ZC4H2: variants seen among roughly 807,000 people sequenced by gnomAD.
ZC4H2 encodes zinc finger C4H2-type containing, also known as zinc finger C4H2 domain-containing protein.
For missense variants in ZC4H2, 137 were observed against 173.9 expected (o/e 0.79, Z 1.19); for synonymous variants, 84 against 66.3 (o/e 1.27, Z -1.30).
intron 1 of ZC4H2, among the ~76,000 whole-genome samples, chrX:64,997,535 A>G (rs996338760): frequency 8.9e-6 from 1 of 112,715 alleles, no homozygotes; most frequent in Admixed American, 9.3e-5. Context: ...AGAATTATAA[A>G]TCTCTTATTG....
At chrX:64,995,147 A>G (rs776551842) in intron 1 of ZC4H2, among the ~76,000 whole-genome samples, 1 of 109,428 alleles carries the variant, frequency 9.1e-6, no homozygotes, top group South Asian at 4.1e-4. Flanking sequence ...AGGTAATATC[A>G]GGAAAATGGC....
At chrX:65,005,793 T>G (rs1157936276) in intron 1 of ZC4H2, among the ~76,000 whole-genome samples, 1 of 110,764 alleles carries the variant, frequency 9.0e-6, no homozygotes, top group Non-Finnish European at 1.9e-5. Flanking sequence ...TGGGAGAGTA[T>G]TTTTGCAATC....
At chrX:65,001,216 C>T (rs1932528832) in intron 1 of ZC4H2, among the ~76,000 whole-genome samples, 1 of 111,685 alleles carries the variant, frequency 9.0e-6, no homozygotes, top group African/African-American at 3.3e-5. Flanking sequence ...AAGGGAAGCC[C>T]ATCAGACTAA....
intron 1 of ZC4H2, among the ~76,000 whole-genome samples, chrX:65,014,840 A>C (rs774524726): frequency 8.9e-6 from 1 of 112,246 alleles, no homozygotes; most frequent in African/African-American, 3.2e-5. Context: ...AATTGCACAA[A>C]ATGATACAGA....
At position 64,940,202 on chromosome X, in the gene ZC4H2, GTCT is replaced by G. The variant is rs777542032; in HGVS notation, c.54-18217_54-18215del. 1.1e-3 allele frequency among the ~76,000 whole-genome samples: 127 copies of G among 111,890 alleles called. 2 individuals are homozygous for G. The highest frequency in any genetic ancestry group is 3.9e-3 in the African/African-American group (121 of 30,812). On this transcript the variant is annotated intron_variant, in intron 1 of 4. Coordinates refer to ENST00000374839, the MANE Select transcript of ZC4H2 (RefSeq NM_018684.4). ...TCATATGTTTGTTGGCCACATAAATGTCTTCTTCTGAGAATTGTCTGTTCATAA... is the reference window on the plus strand; with the variant it reads ...TCATATGTTTGTTGGCCACATAAATGTCTTCTGAGAATTGTCTGTTCATAA...
At chrX:64,977,002 T>C (rs1464460118), upstream of ZC4H2, among the ~76,000 whole-genome samples, 3 of 110,607 alleles carry the variant, frequency 2.7e-5, no homozygotes, top group Non-Finnish European at 3.8e-5. Context: ...AGTGGGTAAG[T>C]ACTTCCAGCT....
intron 3 of ZC4H2, 72 bp from the exon 4 acceptor site, chrX:64,919,276 T>C: frequency 1.8e-6 from 2 of 1,134,777 alleles, no homozygotes; most frequent in Non-Finnish European, 2.4e-6. Context: ...AAAGACTCCA[T>C]GCCATACAAC....
rs868456074 is a variant in ZC4H2 at position 64,985,136 on chromosome X, T to G, written c.-272+49493A>C. 1.9e-4 allele frequency among the ~76,000 whole-genome samples: 21 copies of G among 112,496 alleles called. 1 individual carries two copies. The Middle Eastern group carries it at 0.014, about 74-fold the overall frequency. ...GGTTGGTTCCATGACTTTGCTGTTG[T>G]AAATAGTGCTGCAATAAACATATGA... On this transcript the variant is annotated intron_variant, in intron 1 of 4. Coordinates refer to the ZC4H2 transcript ENST00000337990.
chrX:64,994,908 C>T (rs1420819131), intron 1 of ZC4H2, among the ~76,000 whole-genome samples: 1 of 110,511 alleles, frequency 9.0e-6, no homozygotes, highest in Non-Finnish European at 1.9e-5. Flanking sequence ...TAAAGAGGGA[C>T]AAATGGGAAA....
At chrX:64,968,160 G>C (rs1046215034) in intron 1 of ZC4H2, among the ~76,000 whole-genome samples, 1 of 111,878 alleles carries the variant, frequency 8.9e-6, no homozygotes, top group South Asian at 3.7e-4. Context: ...CTATGTTCCA[G>C]CAACTGTATT....
intron 1 of ZC4H2, among the ~76,000 whole-genome samples, chrX:65,020,439 C>T (rs904976756): frequency 9.0e-6 from 1 of 111,557 alleles, no homozygotes; most frequent in African/African-American, 3.3e-5. Context: ...TCAAACTAAG[C>T]TTCATAAGTG....
intron 1 of ZC4H2, among the ~76,000 whole-genome samples, chrX:64,972,064 T>A (rs758583371): frequency 8.9e-5 from 10 of 111,766 alleles, no homozygotes; most frequent in African/African-American, 3.3e-4. Flanking sequence ...CTTTTCTATC[T>A]CCCTTCTTTT....
intron 1 of ZC4H2, among the ~76,000 whole-genome samples, chrX:65,031,473 TTC>T (rs1295645611): frequency 1.8e-5 from 2 of 110,837 alleles, no homozygotes; most frequent in South Asian, 7.8e-4. Context: ...CAGCACAGAG[TTC>T]TGTTTTTGAA....
intron 1 of ZC4H2, among the ~76,000 whole-genome samples, chrX:64,992,962 A>G (rs1932338203): frequency 9.0e-6 from 1 of 110,968 alleles, no homozygotes; most frequent in Non-Finnish European, 1.9e-5. Context: ...CTAGAAAGCT[A>G]AACTTAGTGA....
At chrX:64,987,403 A>G (rs916180391) in intron 1 of ZC4H2, among the ~76,000 whole-genome samples, 1 of 110,187 alleles carries the variant, frequency 9.1e-6, no homozygotes, top group Non-Finnish European at 1.9e-5. Flanking sequence ...ACATGGATCA[A>G]TGGAATAGAA....
At chrX:64,946,272 C>T (rs1289549780) in intron 1 of ZC4H2, among the ~76,000 whole-genome samples, 4 of 111,764 alleles carry the variant, frequency 3.6e-5, no homozygotes, top group Non-Finnish European at 7.5e-5. Context: ...TCCTAGTCTG[C>T]AGGTTGCAAA....
At chrX:64,944,893 T>C (rs1299233028) in intron 1 of ZC4H2, among the ~76,000 whole-genome samples, 2 of 112,749 alleles carry the variant, frequency 1.8e-5, no homozygotes, top group Admixed American at 1.9e-4. Flanking sequence ...TGCGCATGCT[T>C]CATGAAGTTC....
At chrX:64,930,604 C>T (rs946588198) in intron 1 of ZC4H2, among the ~76,000 whole-genome samples, 2 of 112,019 alleles carry the variant, frequency 1.8e-5, no homozygotes, top group South Asian at 7.4e-4. Context: ...GATGCTTTTT[C>T]TGCATCTATT....
chrX:65,015,871 T>C (rs1932794026), intron 1 of ZC4H2, among the ~76,000 whole-genome samples: 1 of 110,937 alleles, frequency 9.0e-6, no homozygotes, highest in African/African-American at 3.3e-5. Context: ...TCTCTTCTCT[T>C]AGTCTTCTCC....
Sources: gnomAD v4.1 joint callset for allele counts (sites outside exome capture counted in the v4.1 genomes callset) on GRCh38, gnomAD v4.1.1 for gene constraint, MANE v1.5 for transcripts, NCBI Gene and HGNC (gene_info 2026-07-23, HGNC 2026-07-21) for gene names.